SLCO3A1: variants seen among roughly 807,000 people sequenced by gnomAD.
SLCO3A1 encodes the protein PGE1 transporter.
SLCO3A1 carries 27 observed loss-of-function variants against 63.1 expected under a neutral mutation model. That is an observed-to-expected ratio of 0.43 (90% CI 0.32 to 0.59). The LOEUF (loss-of-function observed/expected upper bound fraction) is 0.59, where lower values mean the gene tolerates loss of function less well. Ranked by LOEUF, SLCO3A1 falls within the 20% of genes least tolerant of loss-of-function variation. SLCO3A1 has a pLI of 0.09. For synonymous variants in SLCO3A1, 473 were observed against 409.9 expected (o/e 1.15, Z -1.86); for missense variants, 773 against 945.8 (o/e 0.82, Z 2.40).
At position 91,872,879 on chromosome 15, in the gene SLCO3A1, C is replaced by T. The variant is rs1897313068; in HGVS notation, c.180+18791C>T. 2.6e-5 allele frequency among the ~76,000 whole-genome samples: 4 copies of T among 152,316 alleles called. No individual in the cohort carries two copies. The highest frequency in any genetic ancestry group is 1.3e-4 in the Admixed American group (2 of 15,294). On this transcript the variant is annotated intron_variant, in intron 1 of 9. Coordinates refer to ENST00000318445, the MANE Select transcript of SLCO3A1 (RefSeq NM_013272.4). This position sits in a 1 kb window ranked among gnomAD's most constrained non-coding sequence, Gnocchi z 4.1. ...CTTCCTCCCCTTTAGGGCATGGTGG[C>T]GTCTGTAAGTGACAAGAGTGCTCTG...
chr15:91,966,640 C>A (rs140666562), intron 2 of SLCO3A1, among the ~76,000 whole-genome samples: 4 of 152,182 alleles, frequency 2.6e-5, no homozygotes, highest in Non-Finnish European at 2.9e-5. Context: ...TGATGATGTG[C>A]TTTCCAAATG....
intron 1 of SLCO3A1, among the ~76,000 whole-genome samples, chr15:91,867,507 C>CT (rs34607768): frequency 0.018 from 2,579 of 143,122 alleles, 55 homozygotes; most frequent in African/African-American, 0.055. Flanking sequence ...TTATATTTGA[C>CT]TTTTTTTTTT....
intron 7 of SLCO3A1, among the ~76,000 whole-genome samples, chr15:92,140,678 A>G (rs1041823620): frequency 1.3e-5 from 2 of 152,086 alleles, no homozygotes; most frequent in African/African-American, 2.4e-5. Context: ...TTGGGTGCAT[A>G]TATATTTAGG....
chr15:92,046,751 G>T (rs899026682), intron 2 of SLCO3A1, among the ~76,000 whole-genome samples: 19 of 151,318 alleles, frequency 1.3e-4, no homozygotes, highest in Non-Finnish European at 2.8e-4. Flanking sequence ...CTATGAGAAG[G>T]CTATAGTCCC....
At chr15:92,130,465 G>A (rs1014119717) in intron 7 of SLCO3A1, among the ~76,000 whole-genome samples, 1 of 152,330 alleles carries the variant, frequency 6.6e-6, no homozygotes, top group Non-Finnish European at 1.5e-5. Flanking sequence ...CAGAGCTGGG[G>A]TGAGGCATAC....
chr15:91,989,568 T>C (rs1713390956), intron 2 of SLCO3A1, among the ~76,000 whole-genome samples: 1 of 152,204 alleles, frequency 6.6e-6, no homozygotes. Context: ...TAACTGATAT[T>C]TGGAAAAGAG....
chr15:92,000,131 A>G (rs1597207111), intron 2 of SLCO3A1, among the ~76,000 whole-genome samples: 1 of 152,220 alleles, frequency 6.6e-6, no homozygotes, highest in Non-Finnish European at 1.5e-5. Context: ...AAACCACAAA[A>G]TGGCACCTTA....
chr15:92,163,643 T>C lies in SLCO3A1; in HGVS notation c.*508T>C. 1.0e-6 allele frequency: 1 copy of C among 980,004 alleles called. No individual in the cohort carries two copies. Among genetic ancestry groups the C allele is most frequent in the Non-Finnish European group, 1.2e-6 (1 of 828,718 alleles). 60.7% of individuals were successfully genotyped at this position (980,004 alleles called of 1,614,324 possible). A position where few individuals can be genotyped will look rare whatever the true frequency, so the allele number is the denominator to read the frequency against. On this transcript the variant is annotated 3_prime_UTR_variant, in exon 10 of 10. Coordinates refer to ENST00000318445, the MANE Select transcript of SLCO3A1 (RefSeq NM_013272.4). ...GCCACCCTCTTCCTCCAGGTGGGGGTGGGGGCGGGCGCACAAGTCGGAGGG... is the reference window on the plus strand; with the variant it reads ...GCCACCCTCTTCCTCCAGGTGGGGGCGGGGGCGGGCGCACAAGTCGGAGGG...
intron 2 of SLCO3A1, among the ~76,000 whole-genome samples, chr15:92,048,646 A>G (rs2046919536): frequency 6.6e-6 from 1 of 152,088 alleles, no homozygotes; most frequent in Admixed American, 6.5e-5. Context: ...TGCATTAGGA[A>G]CCACTGCTTT....
intron 2 of SLCO3A1, among the ~76,000 whole-genome samples, chr15:91,933,127 C>T (rs958028877): frequency 5.9e-5 from 9 of 151,868 alleles, no homozygotes; most frequent in Non-Finnish European, 1.3e-4. Context: ...TTATTTTTCT[C>T]CTTAAGGTAT....
intron 2 of SLCO3A1, among the ~76,000 whole-genome samples, chr15:92,007,731 T>C (rs1274485240): frequency 2.6e-5 from 4 of 152,170 alleles, no homozygotes; most frequent in African/African-American, 9.7e-5. Flanking sequence ...ATACTTCTTT[T>C]TCCTGTTCTG....
chr15:91,901,449 A>G (rs1898152564), intron 1 of SLCO3A1, among the ~76,000 whole-genome samples: 1 of 152,176 alleles, frequency 6.6e-6, no homozygotes, highest in East Asian at 1.9e-4. Flanking sequence ...TTATTAATGT[A>G]TATCTTAGTG....
At chr15:92,135,601 G>T (rs768175590) in intron 7 of SLCO3A1, among the ~76,000 whole-genome samples, 20 of 152,224 alleles carry the variant, frequency 1.3e-4, no homozygotes, top group Non-Finnish European at 1.3e-4. Context: ...GAAGTGAAGA[G>T]ATGCTAAGCT....
chr15:91,899,837 A>G (rs1898107510), intron 1 of SLCO3A1, among the ~76,000 whole-genome samples: 1 of 152,166 alleles, frequency 6.6e-6, no homozygotes, highest in Non-Finnish European at 1.5e-5. Flanking sequence ...GACATTTCAT[A>G]CAAACAGAAT....
At chr15:92,021,605 G>A (rs540926634) in intron 2 of SLCO3A1, among the ~76,000 whole-genome samples, 8 of 152,136 alleles carry the variant, frequency 5.3e-5, no homozygotes, top group South Asian at 4.2e-4. Context: ...ATAGATTTCC[G>A]TAATAGTTTT....
At chr15:92,060,923 G>T (rs1460453725) in intron 2 of SLCO3A1, among the ~76,000 whole-genome samples, 1 of 152,222 alleles carries the variant, frequency 6.6e-6, no homozygotes, top group Non-Finnish European at 1.5e-5. Flanking sequence ...ATAATTGGGT[G>T]ATGGAGATTT....
chr15:91,881,087 C>T (rs901534546), intron 1 of SLCO3A1, among the ~76,000 whole-genome samples: 4 of 152,172 alleles, frequency 2.6e-5, no homozygotes, highest in Non-Finnish European at 5.9e-5. Flanking sequence ...CTGCATTTCT[C>T]TTACAAGAAT....
intron 2 of SLCO3A1, among the ~76,000 whole-genome samples, chr15:91,977,392 C>T (rs951439606): frequency 6.6e-6 from 1 of 152,106 alleles, no homozygotes; most frequent in East Asian, 1.9e-4. Context: ...CGGTAACACA[C>T]TTAGAGGTGA....
At chr15:92,123,675 C>T (rs999475994) in intron 5 of SLCO3A1, among the ~76,000 whole-genome samples, 4 of 152,086 alleles carry the variant, frequency 2.6e-5, no homozygotes, top group Non-Finnish European at 5.9e-5. Flanking sequence ...TCTTTGTTAT[C>T]CCCAGGATCT....
Sources: gnomAD v4.1 joint callset for allele counts (sites outside exome capture counted in the v4.1 genomes callset) on GRCh38, gnomAD v4.1.1 for gene constraint, Gnocchi (gnomAD v3.1) non-coding constraint, MANE v1.5 for transcripts, NCBI Gene and HGNC (gene_info 2026-07-23, HGNC 2026-07-21) for gene names.